Variants in CHN1 observed in about 807,000 individuals in gnomAD.
The protein encoded by CHN1 is N-chimaerin.
CHN1 carries 37 observed loss-of-function variants against 59.5 expected under a neutral mutation model. The observed-to-expected ratio is 0.62, with a 90% CI of 0.48 to 0.82. The LOEUF (loss-of-function observed/expected upper bound fraction) is 0.82. CHN1 is among the 40% of genes least tolerant of loss of function. The pLI is 0.00. For missense variants in CHN1, 469 were observed against 571.0 expected, an observed-to-expected ratio of 0.82 and a Z score of 1.82; for synonymous variants, 206 against 200.4, an observed-to-expected ratio of 1.03 and a Z score of -0.24.
chr2:174,945,966 A>C (rs970367421), intron 2 of CHN1, among the ~76,000 whole-genome samples: 5 of 151,288 alleles, frequency 3.3e-5, no homozygotes, highest in African/African-American at 7.3e-5. Context: ...TATATATACT[A>C]TCTCTCTCTA....
At chr2:174,811,405 C>A (rs1054229314) in intron 10 of CHN1, 106 bp downstream of exon 10, 14 of 680,160 alleles carry the variant, frequency 2.1e-5, no homozygotes, top group Non-Finnish European at 2.9e-5. Flanking sequence ...GTATAATAAT[C>A]ATCAATGATT....
intron 3 of CHN1, among the ~76,000 whole-genome samples, chr2:174,932,934 G>A (rs73031926): frequency 0.045 from 6,807 of 152,240 alleles, 215 homozygotes; most frequent in African/African-American, 0.083. Context: ...TTATAGCAAT[G>A]TGAGAACAGA....
intron 7 of CHN1, among the ~76,000 whole-genome samples, chr2:174,826,528 G>A (rs770223702): frequency 6.6e-6 from 1 of 152,182 alleles, no homozygotes; most frequent in Non-Finnish European, 1.5e-5. Flanking sequence ...TGCAATGAAA[G>A]TATGAAGGAA....
rs778034298 is a variant in CHN1 at position 174,812,424 on chromosome 2, T to C, written c.771A>G (p.Pro257=). 12 of 1,613,922 alleles carry C rather than the reference T, an allele frequency of 7.4e-6. No individual in the cohort carries two copies. The highest frequency in any genetic ancestry group is 1.0e-5 in the Non-Finnish European group (12 of 1,179,896). ...ACACCTTTTTGACATGCTTCAAGTC[T>C]GGCTTACAGTCATTTGGGACCATCT... ...CSKMVPNDCK[P]DLKHVKKVYS... is the part of the protein sequence containing the mutation. The change falls in exon 9 of 13, where the codon CCA becomes CCG. Residue 257 remains proline, a synonymous_variant. Coordinates refer to ENST00000409900, the MANE Select transcript of CHN1 (RefSeq NM_001822.7).
rs997761938 is a variant in CHN1, at chr2:174,808,764, A to C, written c.1102+141T>G. The C allele has an allele frequency of 1.0e-5, 9 of 870,408 alleles. No individual in the cohort carries two copies. The African/African-American group carries it at 1.3e-4, about 13-fold the overall frequency. 53.9% of individuals were successfully genotyped at this position (870,408 alleles called of 1,614,324 possible). ...TAATCTACGTTAGAGAACAATGCAA[A>C]ATTCTTGTAAGTACATTAACCATAG... On this transcript the variant is annotated intron_variant, in intron 11 of 12. Transcript: ENST00000409900.
Position 174,995,074 on chromosome 2 carries a change from G to A in CHN1, c.19+9820C>T, listed in dbSNP as rs547645027. Among the ~76,000 whole-genome samples, 304 of 152,300 alleles carry A rather than the reference G, an allele frequency of 2.0e-3. 1 individual carries two copies. Among genetic ancestry groups the A allele is most frequent in the African/African-American group, 6.7e-3 (277 of 41,554 alleles). ...ATTGAAGGTTATTCACAAGGTACAT[G>A]TATACAGTGACAGTATTGTTATATG... On this transcript the variant is annotated intron_variant, in intron 1 of 12. Transcript: ENST00000409900.
At chr2:175,000,318 T>G (rs1317605500) in intron 1 of CHN1, among the ~76,000 whole-genome samples, 1 of 151,762 alleles carries the variant, frequency 6.6e-6, no homozygotes, top group East Asian at 1.9e-4. Flanking sequence ...ATTTTTGTAT[T>G]TTTAGTAGAG....
At chr2:174,926,202 A>ATT (rs879345759) in intron 3 of CHN1, among the ~76,000 whole-genome samples, 2 of 143,994 alleles carry the variant, frequency 1.4e-5, no homozygotes. Flanking sequence ...AACTACTTTC[A>ATT]TTTTTTTTTT....
chr2:174,967,073 G>A (rs1435211898), intron 1 of CHN1, among the ~76,000 whole-genome samples: 4 of 152,044 alleles, frequency 2.6e-5, no homozygotes, highest in African/African-American at 4.8e-5. Context: ...GGCTGGGTGC[G>A]GGGACTCACA....
chr2:174,803,685 G>A (rs1182526800), intron 11 of CHN1, among the ~76,000 whole-genome samples: 1 of 152,122 alleles, frequency 6.6e-6, no homozygotes. Context: ...CTTCCAAGTA[G>A]CTGGGACTGT....
At chr2:174,961,190 AAG>A (rs1690392322) in intron 1 of CHN1, among the ~76,000 whole-genome samples, 1 of 58,918 alleles carries the variant, frequency 1.7e-5, no homozygotes, top group Non-Finnish European at 3.5e-5. Flanking sequence ...GAACAGAGGG[AAG>A]GGAGGGAAGG....
chr2:174,799,584 T>C lies in CHN1; in HGVS notation c.*532A>G, dbSNP rs1380731597. On this transcript the variant is annotated 3_prime_UTR_variant, in exon 13 of 13. Coordinates refer to ENST00000409900, the MANE Select transcript of CHN1 (RefSeq NM_001822.7). ...TGCTTTTGCTGGAAAGAAAGTACTA[T>C]GTTAGAGAAGAACTAAGAGAAACCA... 2 of 526,410 alleles carry C rather than the reference T, an allele frequency of 3.8e-6. No homozygotes were observed. Among genetic ancestry groups the C allele is most frequent in the Non-Finnish European group, 3.7e-6 (1 of 271,636 alleles). The allele number at this position is 526,410 out of a possible 1,614,324, so 32.6% of individuals were successfully genotyped here. A position where few individuals can be genotyped will look rare whatever the true frequency, so the allele number is the denominator to read the frequency against.
chr2:174,963,897 C>T (rs191971092), intron 1 of CHN1, among the ~76,000 whole-genome samples: 1 of 152,210 alleles, frequency 6.6e-6, no homozygotes, highest in East Asian at 1.9e-4. Context: ...AGAGAAGCTT[C>T]ATGTCTAAGC....
intron 5 of CHN1, among the ~76,000 whole-genome samples, chr2:174,911,215 A>G: frequency 6.6e-6 from 1 of 152,192 alleles, no homozygotes; most frequent in East Asian, 1.9e-4. Flanking sequence ...CTTATAAAAC[A>G]TATCTTTTAA....
chr2:174,829,412 C>G (rs1312210305), intron 7 of CHN1, among the ~76,000 whole-genome samples: 2 of 152,194 alleles, frequency 1.3e-5, no homozygotes, highest in Non-Finnish European at 2.9e-5. Context: ...GTTGGGCCTG[C>G]CATTATTCAG....
chr2:174,918,412 G>T, intron 4 of CHN1, 122 bp downstream of exon 4: 1 of 644,152 alleles, frequency 1.6e-6, no homozygotes, highest in Non-Finnish European at 2.4e-6. Flanking sequence ...AAATTTTTAA[G>T]AAATAAATGC....
chr2:174,864,967 T>A (rs1398674351), intron 6 of CHN1, among the ~76,000 whole-genome samples: 1 of 152,192 alleles, frequency 6.6e-6, no homozygotes, highest in Non-Finnish European at 1.5e-5. Context: ...ATTTATTTAT[T>A]GTTGTTGTTC....
At chr2:175,002,486 T>C (rs1022163300) in intron 1 of CHN1, among the ~76,000 whole-genome samples, 4 of 152,184 alleles carry the variant, frequency 2.6e-5, no homozygotes, top group African/African-American at 9.7e-5. Context: ...ATTAAATGTA[T>C]GCAAATACAA....
intron 11 of CHN1, among the ~76,000 whole-genome samples, chr2:174,804,877 T>TGGA (rs1431052052): frequency 1.3e-5 from 2 of 152,344 alleles, no homozygotes; most frequent in East Asian, 1.9e-4. Flanking sequence ...ATCTCCAGGC[T>TGGA]GGAGATATAC....
Sources: allele counts gnomAD v4.1 joint callset (sites outside exome capture counted in the v4.1 genomes callset), GRCh38; gene constraint gnomAD v4.1.1; transcripts MANE v1.5; gene names NCBI Gene and HGNC (gene_info 2026-07-23, HGNC 2026-07-21).